CPS1: variants seen among roughly 807,000 people sequenced by gnomAD.
The protein encoded by CPS1 is carbamoyl-phosphate synthase 1, also known as carbamoyl-phosphate synthase [ammonia], mitochondrial.
Under a neutral mutation model 174.6 loss-of-function variants are expected in CPS1, and 109 were observed. The ratio of observed to expected loss-of-function variants is 0.62; its 90% CI spans 0.53 to 0.73. The LOEUF is 0.73. CPS1 is among the 30% of genes least tolerant of loss of function. The pLI is 0.00. For synonymous variants in CPS1, 637 were observed against 632.0 expected (o/e 1.01, Z -0.12); for missense variants, 1,689 against 1,821.9 (o/e 0.93, Z 1.33).
At chr2:210,494,942 C>G (rs1383174180) in intron 1 of CPS1, among the ~76,000 whole-genome samples, 5 of 152,292 alleles carry the variant, frequency 3.3e-5, no homozygotes, top group Non-Finnish European at 2.9e-5. Flanking sequence ...TATGGCTGCA[C>G]ATTATAATAA....
intron 1 of CPS1, among the ~76,000 whole-genome samples, chr2:210,490,617 C>T (rs568395253): frequency 8.8e-4 from 134 of 152,228 alleles, no homozygotes; most frequent in African/African-American, 3.2e-3. Flanking sequence ...ATTTATTGGT[C>T]TAGTTAATGG....
At chr2:210,659,904 T>C (rs898681711) in intron 31 of CPS1, among the ~76,000 whole-genome samples, 5 of 152,188 alleles carry the variant, frequency 3.3e-5, no homozygotes, top group African/African-American at 9.7e-5. Context: ...GATTTTGTAT[T>C]GTGAACTGGA....
In CPS1 at chr2:210,594,543, A is replaced by G. The variant is rs141545954; in HGVS notation, c.1200A>G (p.Lys400=). 77 of 1,611,268 alleles carry G rather than the reference A, an allele frequency of 4.8e-5. 1 individual carries two copies. The African/African-American group carries it at 9.2e-4, about 19-fold the overall frequency. ...LFDSFFSLIK[K]GKATTITSVL... Reference sequence around the variant, plus strand: ...ATTCCTTTTTCTCACTGATAAAGAAAGGAAAAGCTACCACCATTACATCAG... The same window carrying G: ...ATTCCTTTTTCTCACTGATAAAGAAGGGAAAAGCTACCACCATTACATCAG... The change falls in exon 12 of 38, where the codon AAA becomes AAG. Residue 400 remains lysine, a synonymous_variant. Transcript: ENST00000233072.
At chr2:210,511,190 A>G (rs1009859905) in intron 1 of CPS1, among the ~76,000 whole-genome samples, 1 of 152,210 alleles carries the variant, frequency 6.6e-6, no homozygotes, top group Non-Finnish European at 1.5e-5. Flanking sequence ...ACCATGGAAT[A>G]CTATGCAGCC....
At chr2:210,631,425 C>T (rs1699865999) in intron 21 of CPS1, 2 of 152,254 alleles carry the variant, frequency 1.3e-5, no homozygotes, top group Middle Eastern at 3.4e-3. Flanking sequence ...CATTGGAAGT[C>T]TTAGAGAATG....
At chr2:210,532,092 G>A (rs989232411) in intron 1 of CPS1, among the ~76,000 whole-genome samples, 4 of 152,040 alleles carry the variant, frequency 2.6e-5, no homozygotes, top group Non-Finnish European at 5.9e-5. Flanking sequence ...CTACATTTCT[G>A]CATCATGGTT....
At chr2:210,487,041 T>C (rs917142322) in intron 1 of CPS1, among the ~76,000 whole-genome samples, 2 of 152,132 alleles carry the variant, frequency 1.3e-5, no homozygotes, top group Non-Finnish European at 2.9e-5. Flanking sequence ...GTAAATGAAT[T>C]GTGCTGTCTA....
chr2:210,510,408 C>T (rs1340872344), intron 1 of CPS1, among the ~76,000 whole-genome samples: 2 of 152,198 alleles, frequency 1.3e-5, no homozygotes, highest in Admixed American at 1.3e-4. Flanking sequence ...AATGTTAGAC[C>T]TAAAACCATA....
chr2:210,649,547 A>G (rs1700498050), intron 27 of CPS1, among the ~76,000 whole-genome samples: 7 of 152,210 alleles, frequency 4.6e-5, no homozygotes, highest in Admixed American at 4.6e-4. Flanking sequence ...TTGACTTTCT[A>G]TAATGTATAC....
intron 7 of CPS1, among the ~76,000 whole-genome samples, chr2:210,588,774 G>A (rs1698192345): frequency 6.6e-6 from 1 of 151,820 alleles, no homozygotes; most frequent in African/African-American, 2.4e-5. Flanking sequence ...CACCAAATTA[G>A]CATGCGTATT....
At chr2:210,600,469 TA>T in intron 14 of CPS1, 85 bp from the exon 15 acceptor site, 1 of 1,343,196 alleles carries the variant, frequency 7.4e-7, no homozygotes, top group Non-Finnish European at 1.1e-6. Flanking sequence ...ATTTTAAGAT[TA>T]AAAAAGTAGT....
intron 1 of CPS1, among the ~76,000 whole-genome samples, chr2:210,531,083 A>T (rs2106000167): frequency 6.6e-6 from 1 of 152,182 alleles, no homozygotes; most frequent in African/African-American, 2.4e-5. Flanking sequence ...GAATAAAACT[A>T]CAAAGTTTGA....
intron 13 of CPS1, among the ~76,000 whole-genome samples, chr2:210,596,098 T>C (rs1362811770): frequency 6.6e-6 from 1 of 151,886 alleles, no homozygotes; most frequent in Non-Finnish European, 1.5e-5. Flanking sequence ...CATCAGTGCC[T>C]GGGAAACGGG....
chr2:210,503,172 G>A (rs763953284), intron 1 of CPS1, among the ~76,000 whole-genome samples: 1 of 152,102 alleles, frequency 6.6e-6, no homozygotes, highest in Non-Finnish European at 1.5e-5. Context: ...CCTCTTCAAG[G>A]TTATGTCACA....
chr2:210,501,802 T>C (rs1274153128), intron 1 of CPS1, among the ~76,000 whole-genome samples: 1 of 152,170 alleles, frequency 6.6e-6, no homozygotes, highest in Non-Finnish European at 1.5e-5. Flanking sequence ...TTCCAACCTC[T>C]GCCTGTTACC....
Position 210,642,545 on chromosome 2 carries a change from C to G in CPS1, c.3021C>G (p.Gly1007=). Residue 1007 remains glycine, a synonymous_variant, in exon 25 of 38, where the codon GGC becomes GGG. Coordinates refer to ENST00000233072, the MANE Select transcript of CPS1 (RefSeq NM_001875.5). ...GTATCCGCACACTGCGTCAACTTGG[C>G]AAGAAGACGGTGGTGGTGAATTGCA... ...VSSIRTLRQL[G]KKTVVVNCNP... The G allele has an allele frequency of 6.2e-7, 1 of 1,613,962 alleles. No homozygotes were observed. The highest frequency in any genetic ancestry group is 8.5e-7 in the Non-Finnish European group (1 of 1,179,934).
intron 1 of CPS1, among the ~76,000 whole-genome samples, chr2:210,568,218 T>C (rs1450090619): frequency 6.6e-6 from 1 of 152,130 alleles, no homozygotes; most frequent in Non-Finnish European, 1.5e-5. Flanking sequence ...CCATGGGTAC[T>C]AGGAAGCAGT....
intron 1 of CPS1, among the ~76,000 whole-genome samples, chr2:210,504,795 C>G (rs1463661020): frequency 1.3e-5 from 2 of 152,200 alleles, no homozygotes; most frequent in Non-Finnish European, 2.9e-5. Flanking sequence ...GTGGCATACC[C>G]ACTTCTTACT....
At chr2:210,512,771 T>G (rs561927259) in intron 1 of CPS1, among the ~76,000 whole-genome samples, 79 of 41,564 alleles carry the variant, frequency 1.9e-3, no homozygotes, top group African/African-American at 6.0e-3. Flanking sequence ...TATATATATA[T>G]ATATATATAT....
Sources: gnomAD v4.1 joint callset for allele counts (sites outside exome capture counted in the v4.1 genomes callset) on GRCh38, gnomAD v4.1.1 for gene constraint, MANE v1.5 for transcripts, NCBI Gene and HGNC (gene_info 2026-07-23, HGNC 2026-07-21) for gene names.